Variants in AKAP19 observed in about 807,000 individuals in gnomAD.
AKAP19 encodes A-kinase anchoring protein 19, also known as small A-kinase anchoring protein.
the AKAP19 span, among the ~76,000 whole-genome samples, chr2:190,008,772 C>CG: frequency 2.9e-5 from 1 of 34,170 alleles, no homozygotes; most frequent in Non-Finnish European, 1.1e-4. Flanking sequence ...ACACACACAC[C>CG]CACCTGGTCT....
the AKAP19 span, among the ~76,000 whole-genome samples, chr2:190,006,638 CAAA>C: frequency 3.1e-4 from 35 of 113,864 alleles, no homozygotes; most frequent in Admixed American, 4.4e-4. Context: ...GACTCTGTCT[CAAA>C]AAAAAAAAAA....
the AKAP19 span, among the ~76,000 whole-genome samples, chr2:189,955,698 C>T: frequency 2.6e-5 from 4 of 152,094 alleles, no homozygotes; most frequent in Non-Finnish European, 5.9e-5. Flanking sequence ...TTTTAATTTG[C>T]ATTTCTCTGA....
the AKAP19 span, chr2:189,931,143 GTT>G: frequency 3.1e-6 from 1 of 325,562 alleles, no homozygotes; most frequent in African/African-American, 2.2e-5. Context: ...TCCTCCACTA[GTT>G]TTAGCATCTA....
At chr2:190,147,469 T>C in the AKAP19 span, among the ~76,000 whole-genome samples, 1 of 152,358 alleles carries the variant, frequency 6.6e-6, no homozygotes, top group Admixed American at 6.5e-5. Context: ...TAGTCTTGCT[T>C]TGGCTATGCG....
chr2:190,135,653 A>G, the AKAP19 span, among the ~76,000 whole-genome samples: 3 of 152,228 alleles, frequency 2.0e-5, no homozygotes, highest in Admixed American at 2.0e-4. Flanking sequence ...CCTTGGGCAG[A>G]TCATATAGCA....
At chr2:190,102,961 C>A in the AKAP19 span, among the ~76,000 whole-genome samples, 2 of 152,082 alleles carry the variant, frequency 1.3e-5, no homozygotes, top group African/African-American at 4.8e-5. Flanking sequence ...GCTAGCAGAC[C>A]AAATCCAGCA....
chr2:190,151,243 CG>C, the AKAP19 span, among the ~76,000 whole-genome samples: 1,074 of 152,150 alleles, frequency 7.1e-3, 12 homozygotes, highest in African/African-American at 0.025. Flanking sequence ...GATACATGTG[CG>C]GAACGTGCAG....
At chr2:190,025,531 A>T in the AKAP19 span, among the ~76,000 whole-genome samples, 1 of 152,182 alleles carries the variant, frequency 6.6e-6, no homozygotes, top group Admixed American at 6.5e-5. Context: ...TCATCATCCT[A>T]AAAAAGCACC....
chr2:190,062,312 A>G, the AKAP19 span: 8 of 1,613,270 alleles, frequency 5.0e-6, no homozygotes, highest in African/African-American at 2.7e-5. Context: ...CCCTCTGGAC[A>G]TCATACTGAT....
chr2:189,989,232 T>A, the AKAP19 span, among the ~76,000 whole-genome samples: 1 of 151,816 alleles, frequency 6.6e-6, no homozygotes, highest in Non-Finnish European at 1.5e-5. Context: ...ATAATAGAAA[T>A]AGTGTATCTA....
the AKAP19 span, among the ~76,000 whole-genome samples, chr2:190,102,887 C>CA: frequency 1.3e-5 from 2 of 151,786 alleles, no homozygotes; most frequent in Admixed American, 1.3e-4. Context: ...AGAGACACAG[C>CA]AAAAAAAGAA....
chr2:190,202,920 T>G, the AKAP19 span: 9 of 167,108 alleles, frequency 5.4e-5, no homozygotes, highest in Non-Finnish European at 7.3e-5. Context: ...CCTTTGATCC[T>G]AAAATTCTCT....
the AKAP19 span, among the ~76,000 whole-genome samples, chr2:190,079,785 T>C: frequency 6.6e-6 from 1 of 151,190 alleles, no homozygotes; most frequent in Non-Finnish European, 1.5e-5. Context: ...CACTCCAGCC[T>C]GGGAGACAGA....
the AKAP19 span, among the ~76,000 whole-genome samples, chr2:190,146,258 T>C: frequency 6.6e-6 from 1 of 152,222 alleles, no homozygotes; most frequent in Non-Finnish European, 1.5e-5. Flanking sequence ...ATAACTGAGT[T>C]ACTTCACTTA....
chr2:190,038,965 T>TTCTTCC, the AKAP19 span, among the ~76,000 whole-genome samples: 1 of 146,680 alleles, frequency 6.8e-6, no homozygotes, highest in Non-Finnish European at 1.5e-5. Flanking sequence ...CTTCTTCTTC[T>TTCTTCC]TCTTCTTTCT....
chr2:189,893,204 A>G, the AKAP19 span, among the ~76,000 whole-genome samples: 418 of 152,308 alleles, frequency 2.7e-3, 5 homozygotes, highest in African/African-American at 9.6e-3. Context: ...CACTGGCTTC[A>G]GCCCCCTTTC....
chr2:189,969,119 G>T, the AKAP19 span, among the ~76,000 whole-genome samples: 1 of 152,074 alleles, frequency 6.6e-6, no homozygotes, highest in Non-Finnish European at 1.5e-5. Flanking sequence ...TTCTTGCCCA[G>T]ATCCAACTAT....
chr2:189,976,239 TC>T, the AKAP19 span, among the ~76,000 whole-genome samples: 12 of 152,274 alleles, frequency 7.9e-5, no homozygotes, highest in South Asian at 2.3e-3. Flanking sequence ...ATGCTGGAGG[TC>T]CACTCCAGAC....
the AKAP19 span, among the ~76,000 whole-genome samples, chr2:189,988,893 TG>T: frequency 6.6e-6 from 1 of 152,240 alleles, no homozygotes; most frequent in Non-Finnish European, 1.5e-5. Context: ...GAAAATTATT[TG>T]TACTGATTTT....
Sources: gnomAD v4.1 joint callset for allele counts (sites outside exome capture counted in the v4.1 genomes callset) on GRCh38, gnomAD v4.1.1 for gene constraint, MANE v1.5 for transcripts, NCBI Gene and HGNC (gene_info 2026-07-23, HGNC 2026-07-21) for gene names.